SPMAP2L: variants seen among roughly 807,000 people sequenced by gnomAD.
The protein encoded by SPMAP2L is sperm microtubule associated protein 2 like, also known as sperm microtubule associated protein 2-like.
the SPMAP2L span, among the ~76,000 whole-genome samples, chr4:56,533,106 CCT>C: frequency 0.087 from 13,294 of 152,132 alleles, 954 homozygotes; most frequent in East Asian, 0.24. Flanking sequence ...ATTCTCTCTC[CCT>C]CTGTCATTCT....
the SPMAP2L span, among the ~76,000 whole-genome samples, chr4:56,573,584 A>G: frequency 6.6e-6 from 1 of 152,298 alleles, no homozygotes; most frequent in East Asian, 1.9e-4. Flanking sequence ...AGGTCTCCAC[A>G]GTGTGCCCCA....
At chr4:56,532,207 C>A in the SPMAP2L span, among the ~76,000 whole-genome samples, 707 of 150,316 alleles carry the variant, frequency 4.7e-3, 5 homozygotes, top group African/African-American at 0.016. Flanking sequence ...AACTTCACAC[C>A]TTTGACCCCC....
the SPMAP2L span, among the ~76,000 whole-genome samples, chr4:56,532,463 T>G: frequency 6.6e-6 from 1 of 152,174 alleles, no homozygotes; most frequent in Non-Finnish European, 1.5e-5. Flanking sequence ...ATCCTCTCTC[T>G]TCTACAGCAT....
At chr4:56,552,476 A>T in the SPMAP2L span, 1 of 786,076 alleles carries the variant, frequency 1.3e-6, no homozygotes, top group Non-Finnish European at 2.1e-6. Flanking sequence ...CCCCCCTCCT[A>T]TGAGCAGGAG....
At chr4:56,550,512 G>A in the SPMAP2L span, among the ~76,000 whole-genome samples, 12 of 152,058 alleles carry the variant, frequency 7.9e-5, no homozygotes, top group South Asian at 1.2e-3. Context: ...GGAGTAGAGC[G>A]GGTAGAATTA....
chr4:56,593,072 T>C, the SPMAP2L span: 3,140 of 1,583,462 alleles, frequency 2.0e-3, 52 homozygotes, highest in African/African-American at 0.034. Flanking sequence ...CATGGGCTAT[T>C]GTAACTGCTC....
At chr4:56,537,746 A>G in the SPMAP2L span, among the ~76,000 whole-genome samples, 38 of 150,464 alleles carry the variant, frequency 2.5e-4, no homozygotes, top group Middle Eastern at 3.4e-3. Context: ...GCTGGAGTGC[A>G]GTGGCGCGCG....
chr4:56,593,941 A>T, the SPMAP2L span: 1 of 1,608,708 alleles, frequency 6.2e-7, no homozygotes, highest in Non-Finnish European at 8.5e-7. Context: ...CAGGGCATCA[A>T]CTCCAGCATG....
chr4:56,603,779 G>GA, the SPMAP2L span, among the ~76,000 whole-genome samples: 2 of 151,974 alleles, frequency 1.3e-5, no homozygotes, highest in Non-Finnish European at 2.9e-5. Flanking sequence ...TTATTACTTA[G>GA]AAAAAACACT....
At chr4:56,589,760 T>G in the SPMAP2L span, among the ~76,000 whole-genome samples, 975 of 152,042 alleles carry the variant, frequency 6.4e-3, 13 homozygotes, top group African/African-American at 0.022. Context: ...TGTTTTTTTG[T>G]TTTATTTTTT....
chr4:56,541,169 C>A, the SPMAP2L span, among the ~76,000 whole-genome samples: 3 of 152,064 alleles, frequency 2.0e-5, no homozygotes, highest in Non-Finnish European at 2.9e-5. Context: ...TTTGATATAA[C>A]AAGATATTGC....
chr4:56,533,523 G>C, the SPMAP2L span, among the ~76,000 whole-genome samples: 1 of 151,878 alleles, frequency 6.6e-6, no homozygotes, highest in Non-Finnish European at 1.5e-5. Flanking sequence ...CTTATTAAAG[G>C]CCTTTCCCTC....
chr4:56,569,549 C>T, the SPMAP2L span, among the ~76,000 whole-genome samples: 8 of 151,972 alleles, frequency 5.3e-5, no homozygotes, highest in Admixed American at 2.0e-4. Context: ...GTGGCTCATG[C>T]CTGTAATCCC....
At chr4:56,558,393 CTG>C in the SPMAP2L span, among the ~76,000 whole-genome samples, 1 of 152,120 alleles carries the variant, frequency 6.6e-6, no homozygotes, top group Non-Finnish European at 1.5e-5. Context: ...TGTTCATACT[CTG>C]TGTTTTCTAG....
chr4:56,594,302 G>T, the SPMAP2L span: 5 of 1,541,742 alleles, frequency 3.2e-6, no homozygotes, highest in Admixed American at 3.3e-5. Context: ...CATTTCCCTT[G>T]TTCACAGCAT....
At chr4:56,543,891 AGAGAGTGTGTGTGT>A in the SPMAP2L span, among the ~76,000 whole-genome samples, 11 of 123,730 alleles carry the variant, frequency 8.9e-5, no homozygotes, top group African/African-American at 2.4e-4. Context: ...AGAGAGAGAG[AGAGAGTGTGTGTGT>A]GTGTGTGTGT....
the SPMAP2L span, among the ~76,000 whole-genome samples, chr4:56,566,243 G>A: frequency 6.6e-6 from 1 of 152,072 alleles, no homozygotes; most frequent in Admixed American, 6.6e-5. Flanking sequence ...TTGTTGCCCA[G>A]GCTGGACTGC....
At chr4:56,530,937 T>TC in the SPMAP2L span, 1 of 1,534,160 alleles carries the variant, frequency 6.5e-7, no homozygotes, top group Non-Finnish European at 8.7e-7. Context: ...AGCCCCACGC[T>TC]CCCTATGCGC....
At chr4:56,593,372 C>A in the SPMAP2L span, 2 of 1,245,884 alleles carry the variant, frequency 1.6e-6, no homozygotes, top group South Asian at 1.2e-5. Flanking sequence ...GCCAAATATA[C>A]TGGAGTCCTC....
Sources: allele counts gnomAD v4.1 joint callset (sites outside exome capture counted in the v4.1 genomes callset), GRCh38; gene constraint gnomAD v4.1.1; transcripts MANE v1.5; gene names NCBI Gene and HGNC (gene_info 2026-07-23, HGNC 2026-07-21).